Variants in RIC1 observed in about 807,000 individuals in gnomAD.
RIC1 encodes the protein RIC1 partner of RAB6A GEF complex.
A neutral mutation model predicts 169.0 loss-of-function variants in RIC1; 88 were observed. That is an observed-to-expected ratio of 0.52 (90% confidence interval 0.44 to 0.62). RIC1 has a LOEUF of 0.62. RIC1 is among the 20% of genes least tolerant of loss of function. The pLI is 0.00. For synonymous variants in RIC1, 790 were observed against 601.5 expected, an observed-to-expected ratio of 1.31 and a Z score of -4.59; for missense variants, 1,877 against 1,725.5, an observed-to-expected ratio of 1.09 and a Z score of -1.56.
intron 3 of RIC1, among the ~76,000 whole-genome samples, chr9:5,691,468 C>CT (rs34978570): frequency 1.3e-5 from 2 of 151,820 alleles, no homozygotes; most frequent in African/African-American, 2.4e-5. Flanking sequence ...AAAGTACAGA[C>CT]TTTTTTGATG....
intron 4 of RIC1, among the ~76,000 whole-genome samples, chr9:5,718,273 T>C (rs1047812386): frequency 6.6e-6 from 1 of 152,200 alleles, no homozygotes; most frequent in African/African-American, 2.4e-5. Flanking sequence ...TTGTTTTCTT[T>C]ATGGCTTGTC....
At chr9:5,723,315 G>A (rs1161636576) in intron 6 of RIC1, among the ~76,000 whole-genome samples, 1 of 152,160 alleles carries the variant, frequency 6.6e-6, no homozygotes, top group Non-Finnish European at 1.5e-5. Flanking sequence ...CAGTGATAAT[G>A]AGCATTTTTT....
chr9:5,661,432 C>G (rs761929150), intron 2 of RIC1, among the ~76,000 whole-genome samples: 5 of 152,100 alleles, frequency 3.3e-5, no homozygotes, highest in African/African-American at 7.2e-5. Context: ...GGTAGTATAA[C>G]CATTTTCACA....
chr9:5,763,771 A>G lies in RIC1; in HGVS notation c.2744A>G (p.Tyr915Cys). The G allele has an allele frequency of 6.2e-7, 1 of 1,614,092 alleles. No individual in the cohort carries two copies. The highest frequency in any genetic ancestry group is 8.5e-7 in the Non-Finnish European group (1 of 1,180,006). Reference protein sequence around the residue: ...ARKTEYALWNYLFAAVGNPKD... With the variant: ...ARKTEYALWNCLFAAVGNPKD... ...AAGACCGAATATGCCCTGTGGAATT[A>G]CCTTTTTGCAGCTGTTGGAAACCCT... Residue 915 changes from tyrosine to cysteine, a missense_variant, in exon 19 of 26, where the codon TAC (tyrosine) becomes TGC (cysteine). Coordinates refer to ENST00000414202, the MANE Select transcript of RIC1 (RefSeq NM_020829.4). This position sits in a 1 kb window ranked among gnomAD's most constrained non-coding sequence, Gnocchi z 5.2.
intron 25 of RIC1, 50 bp from the exon 26 acceptor site, chr9:5,773,908 A>G: frequency 2.0e-6 from 3 of 1,492,238 alleles, no homozygotes; most frequent in Non-Finnish European, 2.7e-6. Flanking sequence ...ATGTTCTACC[A>G]AACCTTTTGA....
chr9:5,692,317 A>G (rs1224721698), intron 3 of RIC1, among the ~76,000 whole-genome samples: 1 of 152,094 alleles, frequency 6.6e-6, no homozygotes, highest in Admixed American at 6.6e-5. Flanking sequence ...GTAGGATAAC[A>G]GTAGTAATCA....
At chr9:5,716,653 G>C (rs934944545) in intron 4 of RIC1, among the ~76,000 whole-genome samples, 2 of 152,078 alleles carry the variant, frequency 1.3e-5, no homozygotes, top group African/African-American at 4.8e-5. Flanking sequence ...GAAAAGACAT[G>C]GGTTATTAGT....
chr9:5,644,010 C>G (rs745488159), intron 1 of RIC1, among the ~76,000 whole-genome samples: 1 of 152,050 alleles, frequency 6.6e-6, no homozygotes, highest in South Asian at 2.1e-4. Flanking sequence ...ATAAATCATA[C>G]AAAAATTTAC....
At chr9:5,752,006 A>T (rs1825751581) in intron 12 of RIC1, among the ~76,000 whole-genome samples, 1 of 152,138 alleles carries the variant, frequency 6.6e-6, no homozygotes, top group African/African-American at 2.4e-5. Context: ...AGAACAGAAG[A>T]CTCTTTGTTC....
chr9:5,726,348 C>G (rs1415937919), intron 6 of RIC1, among the ~76,000 whole-genome samples: 1 of 152,156 alleles, frequency 6.6e-6, no homozygotes, highest in Non-Finnish European at 1.5e-5. Flanking sequence ...GGTTTAAAGT[C>G]TGTTTTATCA....
At chr9:5,713,553 G>T in intron 3 of RIC1, 1 of 199,436 alleles carries the variant, frequency 5.0e-6, no homozygotes, top group Non-Finnish European at 1.0e-5. Flanking sequence ...TTTTTCCATA[G>T]TTGTCCACCT....
chr9:5,729,706 G>C (rs1488623924), intron 6 of RIC1, among the ~76,000 whole-genome samples: 1 of 151,654 alleles, frequency 6.6e-6, no homozygotes, highest in Non-Finnish European at 1.5e-5. Flanking sequence ...CATTCTGTTT[G>C]GTATCAACTT....
At chr9:5,758,094 G>A (rs868100546) in intron 17 of RIC1, among the ~76,000 whole-genome samples, 7 of 152,290 alleles carry the variant, frequency 4.6e-5, no homozygotes, top group South Asian at 2.1e-4. Flanking sequence ...GGTCAGTGGT[G>A]TTCACAGTCT....
downstream of RIC1, among the ~76,000 whole-genome samples, chr9:5,777,403 T>TAAA (rs397703024): frequency 4.9e-5 from 7 of 142,004 alleles, no homozygotes; most frequent in African/African-American, 1.8e-4. Context: ...TAAATACTGC[T>TAAA]AAAAAAAAAA....
At chr9:5,630,973 T>G (rs1817688538) in intron 1 of RIC1, among the ~76,000 whole-genome samples, 1 of 152,230 alleles carries the variant, frequency 6.6e-6, no homozygotes, top group African/African-American at 2.4e-5. Context: ...TGTAACAAAT[T>G]TAGACTTTCG....
At chr9:5,744,970 A>G (rs1432733562) in intron 10 of RIC1, among the ~76,000 whole-genome samples, 3 of 152,138 alleles carry the variant, frequency 2.0e-5, no homozygotes, top group Non-Finnish European at 4.4e-5. Flanking sequence ...TTGTAGAATT[A>G]AAACCGCCAT....
intron 3 of RIC1, among the ~76,000 whole-genome samples, chr9:5,708,722 T>C (rs988834042): frequency 1.3e-5 from 2 of 152,150 alleles, no homozygotes; most frequent in Non-Finnish European, 2.9e-5. Flanking sequence ...TGTCTCTGTG[T>C]GCATCTTTTA....
chr9:5,656,650 A>G lies in RIC1; in HGVS notation c.212A>G (p.Gln71Arg). 1 of 1,611,388 alleles carries G rather than the reference A, an allele frequency of 6.2e-7. No homozygotes were observed. Among genetic ancestry groups the G allele is most frequent in the Non-Finnish European group, 8.5e-7 (1 of 1,178,306 alleles). ...KSSTQFGSYK[Q>R]AEWRPDSTMI... ...TCTACTCAGTTTGGATCCTACAAGC[A>G]AGCTGAATGGAGGCCAGATAGTACC... Residue 71 changes from glutamine to arginine, a missense_variant, in exon 2 of 26, where the codon CAA (glutamine) becomes CGA (arginine). Gln to Arg is a conservative substitution (Grantham distance 43). Around this residue, in one of 3 missense-constraint regions of RIC1, gnomAD observed 1,104 missense variants for 992.0 expected, o/e 1.11. Coordinates refer to ENST00000414202, the MANE Select transcript of RIC1 (RefSeq NM_020829.4).
At chr9:5,694,280 T>A (rs954636162) in intron 3 of RIC1, among the ~76,000 whole-genome samples, 1 of 152,236 alleles carries the variant, frequency 6.6e-6, no homozygotes, top group Non-Finnish European at 1.5e-5. Flanking sequence ...AGTTACAGAC[T>A]CATGAAAGTT....
Sources: gnomAD v4.1 joint callset for allele counts (sites outside exome capture counted in the v4.1 genomes callset) on GRCh38, gnomAD v4.1.1 for gene constraint, gnomAD v4.1.1 regional missense constraint, Gnocchi (gnomAD v3.1) non-coding constraint, MANE v1.5 for transcripts, NCBI Gene and HGNC (gene_info 2026-07-23, HGNC 2026-07-21) for gene names.